FOXO1: variants seen among roughly 807,000 people sequenced by gnomAD.
FOXO1 encodes the protein forkhead box O1.
In FOXO1, 6 loss-of-function variants were observed where a neutral mutation model predicts 44.1. The observed-to-expected ratio is 0.14, with a 90% CI of 0.07 to 0.27. The LOEUF is 0.27. Among genes scored for constraint, FOXO1 ranks in the 10% least tolerant of loss-of-function variants. The pLI is 1.00. For synonymous variants in FOXO1, 380 were observed against 362.7 expected, an observed-to-expected ratio of 1.05 and a Z score of -0.54; for missense variants, 737 against 888.8, an observed-to-expected ratio of 0.83 and a Z score of 2.17.
At chr13:40,571,720 C>T (rs937849373) in intron 1 of FOXO1, among the ~76,000 whole-genome samples, 3 of 152,296 alleles carry the variant, frequency 2.0e-5, no homozygotes, top group Admixed American at 6.5e-5. Flanking sequence ...ACTCATTTGA[C>T]GCTGAAGTAA....
chr13:40,665,757 G>A lies in FOXO1; in HGVS notation c.456C>T (p.Ser152=), dbSNP rs1242524770. 8 of 1,383,302 alleles carry A rather than the reference G, an allele frequency of 5.8e-6. No individual in the cohort carries two copies. Among genetic ancestry groups the A allele is most frequent in the East Asian group, 3.0e-5 (1 of 33,464 alleles). The allele number at this position is 1,383,302 out of a possible 1,614,324, so 85.7% of individuals were successfully genotyped here. ...CCCACGCGTTGCGGCGGGACGAGCT[G>A]CTCTTGCGCGGCTGCCCCGCGAGCG... ...AGPLAGQPRK[S]SSSRRNAWGN... Residue 152 remains serine, a synonymous_variant, in exon 1 of 3, where the codon AGC becomes AGT. Transcript: ENST00000379561.
At chr13:40,602,787 G>A (rs74044543) in intron 1 of FOXO1, among the ~76,000 whole-genome samples, 1 of 152,102 alleles carries the variant, frequency 6.6e-6, no homozygotes, top group East Asian at 1.9e-4. Flanking sequence ...CAGAGATTTA[G>A]GTATAGGTTA....
At chr13:40,565,838 G>A (rs766511480) in intron 1 of FOXO1, among the ~76,000 whole-genome samples, 9 of 152,160 alleles carry the variant, frequency 5.9e-5, no homozygotes, top group Non-Finnish European at 1.2e-4. Context: ...ACCTATGTAT[G>A]TCATAAACAT....
intron 1 of FOXO1, among the ~76,000 whole-genome samples, chr13:40,659,221 A>T (rs1449015422): frequency 6.6e-6 from 1 of 150,594 alleles, no homozygotes; most frequent in Non-Finnish European, 1.5e-5. Context: ...AGGCTGAGGC[A>T]GGAGAATCAC....
At position 40,560,485 on chromosome 13, in the gene FOXO1, C is replaced by T. The variant is rs1213192608; in HGVS notation, c.1006G>A (p.Asp336Asn). Reference sequence around the variant, plus strand: ...TGCACATCCCCTTCTCCAAGATCATCCTGTTCGGTCATAATGGGTGAGAGT... The same window carrying T: ...TGCACATCCCCTTCTCCAAGATCATTCTGTTCGGTCATAATGGGTGAGAGT... Reference protein sequence around the residue: ...GRLSPIMTEQDDLGEGDVHSM... With the variant: ...GRLSPIMTEQNDLGEGDVHSM... Residue 336 changes from aspartate (D) to asparagine (N), a missense_variant, in exon 2 of 3, where the codon GAT (aspartate) becomes AAT (asparagine). Around this residue, in one of 7 missense-constraint regions of FOXO1, gnomAD observed 136 missense variants for 186.4 expected, o/e 0.73. Coordinates refer to ENST00000379561, the MANE Select transcript of FOXO1 (RefSeq NM_002015.4). The surrounding 1 kb of genome is among the most constrained non-coding windows in gnomAD (Gnocchi z 5.1). 1.9e-6 allele frequency: 3 copies of T among 1,614,116 alleles called. No individual in the cohort carries two copies. The highest frequency in any genetic ancestry group is 2.2e-5 in the East Asian group (1 of 44,878).
At chr13:40,664,735 G>A (rs1878162797) in intron 1 of FOXO1, among the ~76,000 whole-genome samples, 1 of 152,110 alleles carries the variant, frequency 6.6e-6, no homozygotes, top group Non-Finnish European at 1.5e-5. Flanking sequence ...GAGAAACGCT[G>A]GCCCCACGGC....
At chr13:40,575,208 T>G (rs2755214) in intron 1 of FOXO1, among the ~76,000 whole-genome samples, 61,903 of 151,196 alleles carry the variant, frequency 0.41, 13,787 homozygotes, top group East Asian at 0.73. Flanking sequence ...AGGTGTGGTG[T>G]TGCACATTTG....
At chr13:40,639,878 G>T (rs1023041322) in intron 1 of FOXO1, among the ~76,000 whole-genome samples, 1 of 152,212 alleles carries the variant, frequency 6.6e-6, no homozygotes. Context: ...GACTGAGAAC[G>T]GGAGAGAGCA....
At chr13:40,563,552 G>A (rs1874131595) in intron 1 of FOXO1, among the ~76,000 whole-genome samples, 1 of 152,122 alleles carries the variant, frequency 6.6e-6, no homozygotes, top group South Asian at 2.1e-4. Context: ...GAACGGAGCA[G>A]GTGTGTGGTG....
chr13:40,622,511 T>C (rs1318218463), intron 1 of FOXO1, among the ~76,000 whole-genome samples: 2 of 152,168 alleles, frequency 1.3e-5, no homozygotes, highest in Non-Finnish European at 2.9e-5. Context: ...TTCTGAGACA[T>C]CAACTTTGAA....
intron 1 of FOXO1, among the ~76,000 whole-genome samples, chr13:40,574,072 A>G (rs1874648110): frequency 6.6e-6 from 1 of 152,212 alleles, no homozygotes; most frequent in Non-Finnish European, 1.5e-5. Flanking sequence ...TGTGGCTAGA[A>G]TCTTGCACAC....
intron 1 of FOXO1, among the ~76,000 whole-genome samples, chr13:40,645,955 C>T (rs1877494223): frequency 6.6e-6 from 1 of 151,856 alleles, no homozygotes; most frequent in African/African-American, 2.4e-5. Flanking sequence ...ATCCCAGCTA[C>T]TCCGGTGAGG....
At position 40,588,910 on chromosome 13, in the gene FOXO1, G is replaced by A. The variant is rs372536307; in HGVS notation, c.631-28050C>T. On this transcript the variant is annotated intron_variant, in intron 1 of 2. Transcript: ENST00000379561. ...GCTGGAAGTCAGGAGTTCAAGACCA[G>A]CCTGGCCAACATGGTAAAACCCCAT... 6.6e-5 allele frequency among the ~76,000 whole-genome samples: 10 copies of A among 152,216 alleles called. No homozygotes were observed. The East Asian group carries it at 1.2e-3, about 18-fold the overall frequency.
chr13:40,589,186 A>G (rs2755217), intron 1 of FOXO1, among the ~76,000 whole-genome samples: 34,841 of 152,138 alleles, frequency 0.23, 6,160 homozygotes, highest in East Asian at 0.64. Context: ...CCATCAAGAA[A>G]TGGCTGCAAG....
At chr13:40,642,344 G>C (rs763099664) in intron 1 of FOXO1, among the ~76,000 whole-genome samples, 5 of 152,090 alleles carry the variant, frequency 3.3e-5, no homozygotes, top group Admixed American at 1.3e-4. Context: ...CAAAAAATGG[G>C]CATTCCCTCA....
intron 1 of FOXO1, among the ~76,000 whole-genome samples, chr13:40,610,519 T>G (rs1029042442): frequency 1.4e-4 from 21 of 152,190 alleles, no homozygotes; most frequent in Admixed American, 1.4e-3. Context: ...TGTCAGCAGG[T>G]TCACTGTGAG....
intron 1 of FOXO1, among the ~76,000 whole-genome samples, chr13:40,628,353 G>A (rs1477369226): frequency 8.9e-6 from 1 of 111,994 alleles, no homozygotes; most frequent in African/African-American, 3.9e-5. Flanking sequence ...CAAAAGAGCT[G>A]TTTACACACA....
chr13:40,594,376 G>C (rs1258487965), intron 1 of FOXO1, among the ~76,000 whole-genome samples: 1 of 152,080 alleles, frequency 6.6e-6, no homozygotes, highest in Non-Finnish European at 1.5e-5. Context: ...CAAAGCGCTG[G>C]AATCTAACCC....
intron 1 of FOXO1, among the ~76,000 whole-genome samples, chr13:40,646,518 T>C (rs1416428503): frequency 2.0e-5 from 3 of 152,190 alleles, no homozygotes; most frequent in Non-Finnish European, 4.4e-5. Context: ...GTGAATATTA[T>C]AAAATTCTAG....
Sources: allele counts gnomAD v4.1 joint callset (sites outside exome capture counted in the v4.1 genomes callset), GRCh38; gene constraint gnomAD v4.1.1; regional missense constraint gnomAD v4.1.1; non-coding constraint Gnocchi (gnomAD v3.1); transcripts MANE v1.5; gene names NCBI Gene and HGNC (gene_info 2026-07-23, HGNC 2026-07-21).